MYO5C: variants seen among roughly 807,000 people sequenced by gnomAD.
MYO5C encodes myosin VC, also known as unconventional myosin-Vc.
Under a neutral mutation model 235.7 loss-of-function variants are expected in MYO5C, and 194 were observed. The observed-to-expected ratio is 0.82, with a 90% CI of 0.73 to 0.93. The LOEUF (loss-of-function observed/expected upper bound fraction) is 0.93, where lower values mean the gene tolerates loss of function less well. Among genes scored for constraint, MYO5C ranks in the 40% least tolerant of loss-of-function variants. The pLI, the probability that MYO5C is intolerant of heterozygous loss-of-function variation, is 0.00. For synonymous variants in MYO5C, 707 were observed against 754.8 expected, an observed-to-expected ratio of 0.94 and a Z score of 1.04; for missense variants, 2,038 against 2,127.2, an observed-to-expected ratio of 0.96 and a Z score of 0.82.
intron 14 of MYO5C, 77 bp downstream of exon 14, chr15:52,248,623 C>G: frequency 9.8e-7 from 1 of 1,022,892 alleles, no homozygotes; most frequent in South Asian, 1.3e-5. Flanking sequence ...CTCTCTCTCT[C>G]CTTACTCTTT....
chr15:52,287,241 G>C (rs1365348407), intron 1 of MYO5C, among the ~76,000 whole-genome samples: 1 of 152,154 alleles, frequency 6.6e-6, no homozygotes, highest in African/African-American at 2.4e-5. Context: ...AGAATGACCT[G>C]GCAGGCAGTG....
chr15:52,266,053 C>T (rs1207846077), intron 8 of MYO5C, among the ~76,000 whole-genome samples: 2 of 152,188 alleles, frequency 1.3e-5, no homozygotes, highest in Non-Finnish European at 2.9e-5. Flanking sequence ...CTAAAAATGC[C>T]AAGTGCAGGA....
At chr15:52,243,330 T>C (rs1445557989) in intron 19 of MYO5C, 1 of 152,452 alleles carries the variant, frequency 6.6e-6, no homozygotes, top group African/African-American at 2.4e-5. Flanking sequence ...AGGAGTGGGA[T>C]GAAATGAATG....
intron 5 of MYO5C, among the ~76,000 whole-genome samples, chr15:52,275,109 T>A (rs66714926): frequency 0.096 from 14,522 of 152,036 alleles, 1,360 homozygotes; most frequent in East Asian, 0.5. Context: ...GGAGGAAGAG[T>A]CTTGACATGT....
rs533721358 is a variant in MYO5C at position 52,214,214 on chromosome 15, T to G, written c.4042+389A>C. Among the ~76,000 whole-genome samples, 23 of 152,346 alleles carry G rather than the reference T, an allele frequency of 1.5e-4. No individual in the cohort carries two copies. The South Asian group carries it at 4.8e-3, about 32-fold the overall frequency. On this transcript the variant is annotated intron_variant, in intron 33 of 40. Coordinates refer to ENST00000261839, the MANE Select transcript of MYO5C (RefSeq NM_018728.4). ...GCAGTCCATGTTCAGGATGTCTGCT[T>G]CTTAGCTCTCTACTTTTCTAATAGA...
At chr15:52,195,312 A>T in intron 40 of MYO5C, 65 bp downstream of exon 40, 3 of 1,041,414 alleles carry the variant, frequency 2.9e-6, no homozygotes, top group African/African-American at 1.6e-5. Context: ...AATGTTAATT[A>T]AGTATCAACA....
rs767148354 is a variant in MYO5C at position 52,204,930 on chromosome 15, C to T, written c.4755G>A (p.Ala1585=). Residue 1585 remains alanine, a synonymous_variant, in exon 38 of 41, where the codon GCG becomes GCA. Coordinates refer to ENST00000261839, the MANE Select transcript of MYO5C (RefSeq NM_018728.4). ...AVKQLFFLIG[A]VTLNSLFLRK... Reference sequence around the variant, plus strand: ...GCAGGAAGAGGCTGTTCAGCGTGACCGCCCCGATCAAGAAGAAGAGCTGCT... The same window carrying T: ...GCAGGAAGAGGCTGTTCAGCGTGACTGCCCCGATCAAGAAGAAGAGCTGCT... 1.7e-5 allele frequency: 28 copies of T among 1,614,102 alleles called. No individual in the cohort carries two copies. Among genetic ancestry groups the T allele is most frequent in the Middle Eastern group, 1.6e-4 (1 of 6,084 alleles).
chr15:52,281,943 C>T (rs948918913), intron 2 of MYO5C, among the ~76,000 whole-genome samples: 1 of 152,226 alleles, frequency 6.6e-6, no homozygotes, highest in Admixed American at 6.5e-5. Context: ...GTTCTCTACC[C>T]AGATACTTGA....
chr15:52,228,617 C>T (rs1019943591), intron 25 of MYO5C, among the ~76,000 whole-genome samples: 4 of 152,082 alleles, frequency 2.6e-5, no homozygotes, highest in African/African-American at 7.2e-5. Flanking sequence ...ATGTTATCAC[C>T]TCAAATACTT....
chr15:52,239,627 T>C, intron 21 of MYO5C, 106 bp downstream of exon 21: 1 of 1,253,512 alleles, frequency 8.0e-7, no homozygotes, highest in Non-Finnish European at 1.1e-6. Context: ...AAACTGAACC[T>C]CCTAACATGG....
chr15:52,225,338 T>G (rs913144748), intron 26 of MYO5C, 101 bp downstream of exon 26: 3 of 1,159,316 alleles, frequency 2.6e-6, no homozygotes, highest in African/African-American at 1.5e-5. Flanking sequence ...CTACCATATG[T>G]CCAACCAAAT....
At chr15:52,274,870 G>C (rs2037006523) in intron 5 of MYO5C, among the ~76,000 whole-genome samples, 1 of 152,184 alleles carries the variant, frequency 6.6e-6, no homozygotes, top group South Asian at 2.1e-4. Flanking sequence ...AGGTCTAGTA[G>C]TCTAATATTC....
intron 35 of MYO5C, 145 bp from the exon 36 acceptor site, chr15:52,208,788 T>G (rs926235232): frequency 3.4e-6 from 2 of 592,856 alleles, no homozygotes; most frequent in South Asian, 2.2e-5. Context: ...ATTATACTTA[T>G]AAGAACTTAT....
At chr15:52,260,599 C>T (rs1345636591) in intron 10 of MYO5C, among the ~76,000 whole-genome samples, 3 of 152,166 alleles carry the variant, frequency 2.0e-5, no homozygotes, top group Non-Finnish European at 4.4e-5. Context: ...AGTGAGAAAG[C>T]CCATGGAAGC....
intron 10 of MYO5C, among the ~76,000 whole-genome samples, chr15:52,257,200 G>C (rs2036602232): frequency 6.6e-6 from 1 of 152,252 alleles, no homozygotes; most frequent in African/African-American, 2.4e-5. Flanking sequence ...CAGCACAACT[G>C]CAGCACAATT....
chr15:52,286,253 C>G (rs1392755823), intron 1 of MYO5C, among the ~76,000 whole-genome samples: 2 of 149,728 alleles, frequency 1.3e-5, no homozygotes, highest in Admixed American at 1.3e-4. Flanking sequence ...CCAGCCGCCT[C>G]GTCTGGGAGG....
intron 5 of MYO5C, among the ~76,000 whole-genome samples, chr15:52,273,719 A>G (rs2036976474): frequency 6.6e-6 from 1 of 152,184 alleles, no homozygotes; most frequent in Non-Finnish European, 1.5e-5. Flanking sequence ...TCTGTTGTTT[A>G]TAAGCCACCT....
At chr15:52,209,525 T>C (rs986361058) in intron 35 of MYO5C, among the ~76,000 whole-genome samples, 2 of 152,104 alleles carry the variant, frequency 1.3e-5, no homozygotes, top group Non-Finnish European at 2.9e-5. Context: ...CCTGGGCACA[T>C]GCAAAGGCAG....
chr15:52,250,236 C>T (rs1175425914), intron 13 of MYO5C, among the ~76,000 whole-genome samples: 8 of 103,378 alleles, frequency 7.7e-5, no homozygotes, highest in South Asian at 4.0e-4. Flanking sequence ...TTTTTTTTTT[C>T]TTTTTCTTTT....
Sources: allele counts gnomAD v4.1 joint callset (sites outside exome capture counted in the v4.1 genomes callset), GRCh38; gene constraint gnomAD v4.1.1; transcripts MANE v1.5; gene names NCBI Gene and HGNC (gene_info 2026-07-23, HGNC 2026-07-21).